The following STPG2 variants were observed in gnomAD, a reference collection of about 807,000 sequenced individuals.
STPG2 encodes sperm-tail PG-rich repeat-containing protein 2.
A neutral mutation model predicts 54.2 loss-of-function variants in STPG2; 56 were observed. The observed-to-expected ratio is 1.03, with a 90% CI of 0.83 to 1.29. STPG2 has a LOEUF of 1.29. Ranked by LOEUF, STPG2 falls within the 50% of genes most tolerant of loss-of-function variation. The probability of loss-of-function intolerance (pLI) is 0.00; values close to 1 mark genes in which losing one functional copy is unlikely to be tolerated. For synonymous variants in STPG2, 200 were observed against 181.8 expected, an observed-to-expected ratio of 1.10 and a Z score of -0.81; for missense variants, 596 against 544.9, an observed-to-expected ratio of 1.09 and a Z score of -0.93.
chr4:97,972,460 C>G lies in STPG2; in HGVS notation c.773-20G>C, dbSNP rs769305053. The stretch of plus-strand genomic sequence containing the variant: ...CAGGACCTAAAATTATTAGAAGTAT[C>G]ATATATAAGAATAAGCATGCTTTTA... On this transcript the variant is annotated intron_variant, in intron 6 of 10. Coordinates refer to ENST00000295268, the MANE Select transcript of STPG2 (RefSeq NM_174952.3). The G allele has an allele frequency of 7.2e-7, 1 of 1,389,250 alleles. No individual in the cohort carries two copies. Among genetic ancestry groups the G allele is most frequent in the Non-Finnish European group, 9.6e-7 (1 of 1,037,122 alleles). 86.1% of individuals were successfully genotyped at this position (1,389,250 alleles called of 1,614,324 possible). A position where few individuals can be genotyped will look rare whatever the true frequency, so the allele number is the denominator to read the frequency against.
At chr4:97,945,933 C>A (rs964738275) in intron 7 of STPG2, among the ~76,000 whole-genome samples, 2 of 152,140 alleles carry the variant, frequency 1.3e-5, no homozygotes, top group South Asian at 2.1e-4. Flanking sequence ...GTGGCATATA[C>A]CTGTGGTCCC....
chr4:97,524,854 C>T lies in STPG2; in HGVS notation c.462+187845G>A, dbSNP rs535286630. On this transcript the variant is annotated intron_variant, in intron 4 of 4. Coordinates refer to the STPG2 transcript ENST00000522676. Reference sequence around the variant, plus strand: ...GAGAATTTTTCTTCTTAAATAGTGGCCTGTGTTTCTGTCTTTTCTCTTCAA... The same window carrying T: ...GAGAATTTTTCTTCTTAAATAGTGGTCTGTGTTTCTGTCTTTTCTCTTCAA... Among the ~76,000 whole-genome samples, 6 of 152,004 alleles carry T rather than the reference C, an allele frequency of 3.9e-5. No individual in the cohort carries two copies. The South Asian group carries it at 8.3e-4, about 21-fold the overall frequency.
Position 97,972,439 on chromosome 4 carries a change from A to T in STPG2, c.774T>A (p.Gly258=). Residue 258 remains glycine (G), a splice_region_variant and synonymous_variant, in exon 7 of 11, where the codon GGT becomes GGA. Coordinates refer to ENST00000295268, the MANE Select transcript of STPG2 (RefSeq NM_174952.3). The part of the protein sequence containing the change: ...TQDIRTEEMP[G]PGFYNVLNNT... ...TGTTCAAGACATTATAAAATCCAGGACCTAAAATTATTAGAAGTATCATAT... is the reference window on the plus strand; with the variant it reads ...TGTTCAAGACATTATAAAATCCAGGTCCTAAAATTATTAGAAGTATCATAT... 1.3e-6 allele frequency: 2 copies of T among 1,493,876 alleles called. No individual in the cohort carries two copies. The highest frequency in any genetic ancestry group is 1.8e-6 in the Non-Finnish European group (2 of 1,110,838). The allele number at this position is 1,493,876 out of a possible 1,614,324, so 92.5% of individuals were successfully genotyped here. A position where few individuals can be genotyped will look rare whatever the true frequency, so the allele number is the denominator to read the frequency against.
At chr4:97,522,646 G>A (rs1731205853) in intron 4 of STPG2, among the ~76,000 whole-genome samples, 1 of 151,950 alleles carries the variant, frequency 6.6e-6, no homozygotes, top group Non-Finnish European at 1.5e-5. Context: ...TGCAGAGTAT[G>A]TGCATCTTTG....
chr4:97,910,907 A>T (rs1446228861), intron 8 of STPG2, among the ~76,000 whole-genome samples: 2 of 152,208 alleles, frequency 1.3e-5, no homozygotes, highest in Non-Finnish European at 2.9e-5. Flanking sequence ...TTCACAGAGA[A>T]GAACAAAAAT....
intron 10 of STPG2, among the ~76,000 whole-genome samples, chr4:97,590,592 G>A (rs1311255021): frequency 6.6e-6 from 1 of 150,386 alleles, no homozygotes; most frequent in African/African-American, 2.4e-5. Flanking sequence ...TGGTGAATTA[G>A]TATCCAAGAT....
chr4:97,690,347 A>T (rs1723326088), intron 10 of STPG2, among the ~76,000 whole-genome samples: 1 of 152,196 alleles, frequency 6.6e-6, no homozygotes, highest in Admixed American at 6.5e-5. Flanking sequence ...CTATGTTACA[A>T]AACTGTAGGC....
At chr4:97,519,831 G>A (rs1056895224) in intron 4 of STPG2, among the ~76,000 whole-genome samples, 21 of 152,130 alleles carry the variant, frequency 1.4e-4, no homozygotes, top group Admixed American at 3.3e-4. Context: ...GAGGTGGAGA[G>A]ATGAAGAAAA....
At chr4:98,050,314 A>G (rs1737276502) in intron 5 of STPG2, among the ~76,000 whole-genome samples, 1 of 152,220 alleles carries the variant, frequency 6.6e-6, no homozygotes, top group Admixed American at 6.5e-5. Flanking sequence ...TTGAAGAAGG[A>G]AAGTAGAAAT....
chr4:97,444,891 GC>G (rs758261849), intron 4 of STPG2, among the ~76,000 whole-genome samples: 4 of 152,094 alleles, frequency 2.6e-5, no homozygotes, highest in Non-Finnish European at 5.9e-5. Context: ...AGCAAAATTA[GC>G]CAGGGATGGT....
chr4:97,861,231 T>C (rs1208581478), intron 8 of STPG2, among the ~76,000 whole-genome samples: 1 of 151,948 alleles, frequency 6.6e-6, no homozygotes, highest in Non-Finnish European at 1.5e-5. Context: ...CAAATAGACA[T>C]ATGAAAAAAT....
chr4:97,976,865 G>A lies in STPG2; in HGVS notation c.772+4294C>T, dbSNP rs542930318. On this transcript the variant is annotated intron_variant, in intron 6 of 10. Transcript: ENST00000295268. ...TAATATACTAGACCATCAGACTGAC[G>A]GTAAGACCCAATCTTAGAGTAACTG... is the stretch of plus-strand genomic sequence containing the variant. Among the ~76,000 whole-genome samples, 45 of 152,076 alleles carry A rather than the reference G, an allele frequency of 3.0e-4. No individual in the cohort carries two copies. The South Asian group carries it at 8.1e-3, about 27-fold the overall frequency.
At chr4:98,112,285 T>C (rs1349328083) in intron 3 of STPG2, among the ~76,000 whole-genome samples, 1 of 152,164 alleles carries the variant, frequency 6.6e-6, no homozygotes, top group African/African-American at 2.4e-5. Context: ...CAAATACCAT[T>C]GTGTATCTGT....
intron 8 of STPG2, among the ~76,000 whole-genome samples, chr4:97,858,544 C>A (rs1329410033): frequency 6.6e-6 from 1 of 152,072 alleles, no homozygotes; most frequent in Non-Finnish European, 1.5e-5. Flanking sequence ...TATTTTATCC[C>A]TCTCTCCTCT....
chr4:97,620,222 TAAC>T (rs1416411091), intron 10 of STPG2, among the ~76,000 whole-genome samples: 11 of 152,242 alleles, frequency 7.2e-5, no homozygotes, highest in Admixed American at 7.2e-4. Flanking sequence ...CTTAGGATAA[TAAC>T]TGGCATGTAA....
rs1728304766 is a variant in STPG2 at position 97,827,653 on chromosome 4, AT to A, written c.1204+13119del. The stretch of plus-strand genomic sequence containing the variant: ...AACAAGCCGTGGGTATTCTTAACTT[AT>A]GGCAATATAGTTATTGCATAAGTGC... On this transcript the variant is annotated intron_variant, in intron 9 of 10. Coordinates refer to ENST00000295268, the MANE Select transcript of STPG2 (RefSeq NM_174952.3). Among the ~76,000 whole-genome samples the A allele has an allele frequency of 2.0e-5, 3 of 152,222 alleles. No homozygotes were observed. In the South Asian group the frequency reaches 6.2e-4, roughly 31 times the overall value.
At chr4:97,813,662 C>A (rs1481637884) in intron 9 of STPG2, among the ~76,000 whole-genome samples, 2 of 84,582 alleles carry the variant, frequency 2.4e-5, no homozygotes, top group Non-Finnish European at 4.3e-5. Context: ...GGCAGCATAG[C>A]AAGACCCTGT....
At chr4:97,670,479 CAG>C (rs1442783103) in intron 10 of STPG2, among the ~76,000 whole-genome samples, 3 of 152,114 alleles carry the variant, frequency 2.0e-5, no homozygotes, top group East Asian at 3.9e-4. Flanking sequence ...TTTCTTGAAA[CAG>C]AACTTTGAAA....
chr4:97,732,889 A>G (rs762979017), intron 9 of STPG2, among the ~76,000 whole-genome samples: 3 of 152,206 alleles, frequency 2.0e-5, no homozygotes, highest in Non-Finnish European at 2.9e-5. Context: ...ATGAGATACT[A>G]CTTTACTCCT....
Sources: allele counts gnomAD v4.1 joint callset (sites outside exome capture counted in the v4.1 genomes callset), GRCh38; gene constraint gnomAD v4.1.1; transcripts MANE v1.5; gene names NCBI Gene and HGNC (gene_info 2026-07-23, HGNC 2026-07-21).